The following MAML3 variants were observed in gnomAD, a reference collection of about 807,000 sequenced individuals.
The protein encoded by MAML3 is mastermind like transcriptional coactivator 3.
MAML3 carries 27 observed loss-of-function variants against 101.9 expected under a neutral mutation model. The observed-to-expected ratio is 0.27, with a 90% CI of 0.20 to 0.37. The LOEUF (loss-of-function observed/expected upper bound fraction) is 0.37, where lower values mean the gene tolerates loss of function less well. MAML3 is among the 10% of genes least tolerant of loss of function. MAML3 has a pLI of 1.00. For missense variants in MAML3, 1,316 were observed against 1,444.9 expected, an observed-to-expected ratio of 0.91 and a Z score of 1.45; for synonymous variants, 501 against 555.9, an observed-to-expected ratio of 0.90 and a Z score of 1.39.
intron 2 of MAML3, among the ~76,000 whole-genome samples, chr4:139,731,748 G>A (rs1728735922): frequency 6.6e-6 from 1 of 152,230 alleles, no homozygotes; most frequent in Non-Finnish European, 1.5e-5. Flanking sequence ...CCTTAGGGAA[G>A]AGGAGGTCAA....
intron 1 of MAML3, among the ~76,000 whole-genome samples, chr4:140,051,076 T>C (rs1727259677): frequency 6.6e-6 from 1 of 152,200 alleles, no homozygotes; most frequent in Non-Finnish European, 1.5e-5. Flanking sequence ...TCCATTTAAT[T>C]ATGGAAGTCA....
At chr4:140,067,231 G>C (rs955550074) in intron 1 of MAML3, among the ~76,000 whole-genome samples, 4 of 151,952 alleles carry the variant, frequency 2.6e-5, no homozygotes, top group Non-Finnish European at 5.9e-5. Flanking sequence ...GTGTGAGTGA[G>C]AGAAAGAAAC....
At chr4:139,822,815 T>C (rs1427697921) in intron 2 of MAML3, among the ~76,000 whole-genome samples, 1 of 152,234 alleles carries the variant, frequency 6.6e-6, no homozygotes, top group Non-Finnish European at 1.5e-5. Context: ...ATCAGAATTC[T>C]GTTTTCTTTT....
chr4:139,851,979 G>A (rs942395321), intron 2 of MAML3, among the ~76,000 whole-genome samples: 1 of 152,198 alleles, frequency 6.6e-6, no homozygotes, highest in Non-Finnish European at 1.5e-5. Flanking sequence ...CTAAGACCCT[G>A]AGTACCTTAG....
At chr4:139,871,081 C>T (rs1731998638) in intron 2 of MAML3, among the ~76,000 whole-genome samples, 1 of 152,052 alleles carries the variant, frequency 6.6e-6, no homozygotes, top group South Asian at 2.1e-4. Flanking sequence ...GTGTGCTTAT[C>T]ATTTTTTCAT....
At chr4:139,777,680 T>C (rs770092055) in intron 2 of MAML3, among the ~76,000 whole-genome samples, 1 of 152,234 alleles carries the variant, frequency 6.6e-6, no homozygotes, top group African/African-American at 2.4e-5. Context: ...GCATGCACCA[T>C]GGTGCCCAGC....
rs530286730 is a variant in MAML3, at chr4:140,060,103, C to T, written c.468+92757G>A. The stretch of plus-strand genomic sequence containing the variant: ...AGCCTAGGCTGGGCGCAGTGGCTCA[C>T]GCCTGTAATCCCAGCACTTTGGGAG... On this transcript the variant is annotated intron_variant, in intron 1 of 4. Coordinates refer to ENST00000509479, the MANE Select transcript of MAML3 (RefSeq NM_018717.5). 3.3e-5 allele frequency among the ~76,000 whole-genome samples: 5 copies of T among 152,180 alleles called. 1 individual carries two copies. The South Asian group carries it at 6.2e-4, about 19-fold the overall frequency.
chr4:140,123,541 T>C (rs1176870160), intron 1 of MAML3, among the ~76,000 whole-genome samples: 2 of 152,198 alleles, frequency 1.3e-5, no homozygotes, highest in African/African-American at 4.8e-5. Flanking sequence ...TAACTTTCAT[T>C]AGGTCTTCTG....
intron 1 of MAML3, among the ~76,000 whole-genome samples, chr4:140,079,276 TATTA>T (rs890402337): frequency 1.3e-5 from 2 of 152,168 alleles, no homozygotes; most frequent in South Asian, 4.1e-4. Context: ...ATTATAGTTC[TATTA>T]ATTAATTAAT....
rs931195331 is a variant in MAML3, at chr4:139,732,331, T to C, written c.2080-1664A>G. Among the ~76,000 whole-genome samples the C allele has an allele frequency of 2.0e-5, 3 of 152,312 alleles. No individual in the cohort carries two copies. The East Asian group carries it at 5.8e-4, about 29-fold the overall frequency. On this transcript the variant is annotated intron_variant, in intron 2 of 4. Coordinates refer to ENST00000509479, the MANE Select transcript of MAML3 (RefSeq NM_018717.5). ...TGGGCTTGTGTTCCTCCCTTCCTTC[T>C]GTGGTGTGCTGTAGAACCATGCAGG...
chr4:139,852,286 G>A (rs543870226), intron 2 of MAML3, among the ~76,000 whole-genome samples: 2 of 151,750 alleles, frequency 1.3e-5, no homozygotes, highest in African/African-American at 4.8e-5. Flanking sequence ...TTATGACCAT[G>A]TCATGGTCAC....
intron 1 of MAML3, among the ~76,000 whole-genome samples, chr4:139,973,546 C>T (rs1010545107): frequency 3.9e-5 from 6 of 152,184 alleles, no homozygotes; most frequent in African/African-American, 1.4e-4. Flanking sequence ...GCAGTTATTA[C>T]TGGAAGGGAG....
chr4:139,962,136 T>TAA (rs397954008), intron 1 of MAML3, among the ~76,000 whole-genome samples: 2 of 151,778 alleles, frequency 1.3e-5, no homozygotes, highest in Non-Finnish European at 2.9e-5. Context: ...TTTTTTTTTT[T>TAA]AAAGTTAGAC....
At chr4:140,087,484 C>T (rs1289513929) in intron 1 of MAML3, among the ~76,000 whole-genome samples, 1 of 152,194 alleles carries the variant, frequency 6.6e-6, no homozygotes, top group African/African-American at 2.4e-5. Context: ...GTGGTTTCTA[C>T]GCTACGAACA....
At chr4:140,042,807 G>C (rs1727109846) in intron 1 of MAML3, among the ~76,000 whole-genome samples, 1 of 152,094 alleles carries the variant, frequency 6.6e-6, no homozygotes. Context: ...CTTACTGTTA[G>C]AGGAGAGGTG....
At chr4:139,803,975 T>A (rs1730660237) in intron 2 of MAML3, among the ~76,000 whole-genome samples, 1 of 152,100 alleles carries the variant, frequency 6.6e-6, no homozygotes, top group Admixed American at 6.5e-5. Flanking sequence ...AGGGATCTGA[T>A]ATGATCTTCA....
chr4:140,091,036 C>A (rs1032986294), intron 1 of MAML3, among the ~76,000 whole-genome samples: 10 of 151,114 alleles, frequency 6.6e-5, no homozygotes, highest in African/African-American at 2.2e-4. Flanking sequence ...GGCAACAGAG[C>A]GAGATTCTGT....
At chr4:140,017,486 C>G (rs1190545114) in intron 1 of MAML3, among the ~76,000 whole-genome samples, 1 of 151,918 alleles carries the variant, frequency 6.6e-6, no homozygotes, top group Non-Finnish European at 1.5e-5. Context: ...CACAGAAAAC[C>G]CTGTATATGA....
chr4:139,778,940 G>A (rs1029962920), intron 2 of MAML3, among the ~76,000 whole-genome samples: 97 of 147,338 alleles, frequency 6.6e-4, no homozygotes, highest in Non-Finnish European at 1.2e-3. Context: ...CCGAGATGGC[G>A]CCACTGCATT....
Sources: allele counts gnomAD v4.1 joint callset (sites outside exome capture counted in the v4.1 genomes callset), GRCh38; gene constraint gnomAD v4.1.1; transcripts MANE v1.5; gene names NCBI Gene and HGNC (gene_info 2026-07-23, HGNC 2026-07-21).